Variants in IMMP2L observed in about 807,000 individuals in gnomAD.
The protein encoded by IMMP2L is inner mitochondrial membrane peptidase subunit 2.
In IMMP2L, 18 loss-of-function variants were observed where a neutral mutation model predicts 19.3. The ratio of observed to expected loss-of-function variants is 0.93; its 90% CI spans 0.64 to 1.38. The LOEUF (loss-of-function observed/expected upper bound fraction) is 1.38. Among genes scored for constraint, IMMP2L ranks in the 40% most tolerant of loss-of-function variants. The probability of loss-of-function intolerance (pLI) is 0.00; values close to 1 mark genes in which losing one functional copy is unlikely to be tolerated. For synonymous variants in IMMP2L, 76 were observed against 73.0 expected (o/e 1.04, Z -0.21); for missense variants, 233 against 218.2 (o/e 1.07, Z -0.43).
At chr7:110,962,051 A>G (rs1032502738) in intron 4 of IMMP2L, among the ~76,000 whole-genome samples, 22 of 151,960 alleles carry the variant, frequency 1.4e-4, no homozygotes, top group African/African-American at 5.3e-4. Flanking sequence ...TATATTTTAA[A>G]TGGGTGAATT....
intron 4 of IMMP2L, among the ~76,000 whole-genome samples, chr7:110,957,577 C>T (rs993488741): frequency 1.3e-4 from 19 of 151,900 alleles, no homozygotes; most frequent in African/African-American, 4.3e-4. Context: ...ATCCAAAGTC[C>T]TTTCTAGGAC....
intron 5 of IMMP2L, among the ~76,000 whole-genome samples, chr7:110,873,067 G>A (rs772578493): frequency 3.7e-4 from 56 of 152,290 alleles, no homozygotes; most frequent in Non-Finnish European, 5.6e-4. Context: ...CTCTCTGCTA[G>A]GTGATTTCTT....
At position 110,814,101 on chromosome 7, in the gene IMMP2L, A is replaced by C. The variant is rs531987323; in HGVS notation, c.408+72492T>G. On this transcript the variant is annotated intron_variant, in intron 5 of 5. Transcript: ENST00000405709. Reference sequence around the variant, plus strand: ...AGGATTGGGCTCTCTCTGCTTGTGAACATCAGCTAGAAATTGCTACATTAC... The same window carrying C: ...AGGATTGGGCTCTCTCTGCTTGTGACCATCAGCTAGAAATTGCTACATTAC... Among the ~76,000 whole-genome samples, 73 of 152,096 alleles carry C rather than the reference A, an allele frequency of 4.8e-4. 2 individuals carry two copies. The highest frequency in any genetic ancestry group is 1.7e-3 in the African/African-American group (70 of 41,522).
chr7:111,436,307 A>G (rs1837157209), intron 3 of IMMP2L, among the ~76,000 whole-genome samples: 1 of 151,786 alleles, frequency 6.6e-6, no homozygotes, highest in Admixed American at 6.6e-5. Flanking sequence ...AACAGGCAAC[A>G]TGGAAAAGCT....
At chr7:111,354,444 G>A (rs1431361082) in intron 3 of IMMP2L, among the ~76,000 whole-genome samples, 6 of 151,662 alleles carry the variant, frequency 4.0e-5, no homozygotes, top group Non-Finnish European at 7.4e-5. Flanking sequence ...AAATAGACAG[G>A]AAAAATCTTA....
In IMMP2L at chr7:110,863,688, C is replaced by A. The variant is rs545120447; in HGVS notation, c.408+22905G>T. On this transcript the variant is annotated intron_variant, in intron 5 of 5. Coordinates refer to ENST00000405709, the MANE Select transcript of IMMP2L (RefSeq NM_032549.4). Reference sequence around the variant, plus strand: ...TGGTACTCAACAGTATACTGTGTGGCCAGATGATTTTTGCCCAACTAATGT... The same window carrying A: ...TGGTACTCAACAGTATACTGTGTGGACAGATGATTTTTGCCCAACTAATGT... Among the ~76,000 whole-genome samples the A allele has an allele frequency of 3.3e-5, 5 of 152,138 alleles. No homozygotes were observed. In the East Asian group the frequency reaches 7.7e-4, roughly 24 times the overall value.
At chr7:111,481,542 C>T (rs536042770) in intron 3 of IMMP2L, among the ~76,000 whole-genome samples, 1 of 151,942 alleles carries the variant, frequency 6.6e-6, no homozygotes, top group East Asian at 1.9e-4. Context: ...GTTAGAACTC[C>T]TAACCCAGTG....
At chr7:111,141,590 A>G (rs1454778663) in intron 3 of IMMP2L, among the ~76,000 whole-genome samples, 3 of 152,094 alleles carry the variant, frequency 2.0e-5, no homozygotes, top group Non-Finnish European at 4.4e-5. Context: ...CTGGTCTACT[A>G]TAGTATCCTT....
At chr7:111,334,574 C>T (rs1826207484) in intron 3 of IMMP2L, among the ~76,000 whole-genome samples, 1 of 152,004 alleles carries the variant, frequency 6.6e-6, no homozygotes, top group South Asian at 2.1e-4. Flanking sequence ...GAATTAAATT[C>T]CCAGCTCATA....
chr7:111,320,413 C>A (rs1824561978), intron 3 of IMMP2L, among the ~76,000 whole-genome samples: 1 of 152,086 alleles, frequency 6.6e-6, no homozygotes, highest in Non-Finnish European at 1.5e-5. Flanking sequence ...CATATAATTT[C>A]TGACCTAGGT....
intron 5 of IMMP2L, among the ~76,000 whole-genome samples, chr7:110,808,513 A>G (rs1025465786): frequency 1.3e-5 from 2 of 152,090 alleles, no homozygotes; most frequent in Non-Finnish European, 2.9e-5. Context: ...TGTATAAAAC[A>G]TATGGCACAA....
chr7:110,713,262 G>T (rs1412057543), intron 5 of IMMP2L, among the ~76,000 whole-genome samples: 1 of 152,042 alleles, frequency 6.6e-6, no homozygotes, highest in Non-Finnish European at 1.5e-5. Context: ...TGTTCCATTG[G>T]TCTACATGTC....
rs186792569 is a variant in IMMP2L, at chr7:111,298,838, G to A, written c.239+188400C>T. 1.9e-3 allele frequency among the ~76,000 whole-genome samples: 292 copies of A among 151,582 alleles called. 1 individual carries two copies. Among genetic ancestry groups the A allele is most frequent in the African/African-American group, 6.8e-3 (282 of 41,374 alleles). On this transcript the variant is annotated intron_variant, in intron 3 of 5. Coordinates refer to ENST00000405709, the MANE Select transcript of IMMP2L (RefSeq NM_032549.4). ...AAGGTGATGGAGAGGAAACTGTAAGGACATATATTAAATACTTTACATACA... is the reference window on the plus strand; with the variant it reads ...AAGGTGATGGAGAGGAAACTGTAAGAACATATATTAAATACTTTACATACA...
chr7:110,991,709 C>A (rs1439936848), intron 3 of IMMP2L, among the ~76,000 whole-genome samples: 1 of 152,106 alleles, frequency 6.6e-6, no homozygotes, highest in Non-Finnish European at 1.5e-5. Flanking sequence ...ATAGTAGTAA[C>A]CCCACAGTGG....
At chr7:110,859,173 A>C (rs2129542526) in intron 5 of IMMP2L, among the ~76,000 whole-genome samples, 1 of 152,222 alleles carries the variant, frequency 6.6e-6, no homozygotes, top group African/African-American at 2.4e-5. Context: ...TTTTGTGATA[A>C]AAATGAGAGT....
chr7:111,276,824 C>T (rs887525996), intron 3 of IMMP2L, among the ~76,000 whole-genome samples: 1 of 152,022 alleles, frequency 6.6e-6, no homozygotes, highest in African/African-American at 2.4e-5. Flanking sequence ...ATACCTACAA[C>T]CAGCTGATTT....
intron 5 of IMMP2L, among the ~76,000 whole-genome samples, chr7:110,738,436 A>G (rs1355627385): frequency 1.3e-5 from 2 of 152,236 alleles, no homozygotes; most frequent in East Asian, 3.9e-4. Flanking sequence ...TCTCAGCAAT[A>G]GTCTCATCCA....
chr7:110,950,361 T>C (rs1472591527), intron 4 of IMMP2L, among the ~76,000 whole-genome samples: 2 of 152,092 alleles, frequency 1.3e-5, no homozygotes, highest in Non-Finnish European at 2.9e-5. Flanking sequence ...GTAATTACTG[T>C]AGCTTTGTAA....
At chr7:110,801,472 A>G (rs931146445) in intron 5 of IMMP2L, among the ~76,000 whole-genome samples, 5 of 152,136 alleles carry the variant, frequency 3.3e-5, no homozygotes, top group African/African-American at 7.2e-5. Flanking sequence ...GTTGACTGAG[A>G]CACTGAACAA....
Sources: allele counts gnomAD v4.1 joint callset (sites outside exome capture counted in the v4.1 genomes callset), GRCh38; gene constraint gnomAD v4.1.1; transcripts MANE v1.5; gene names NCBI Gene and HGNC (gene_info 2026-07-23, HGNC 2026-07-21).